Variants in PLXNA4 observed in about 807,000 individuals in gnomAD.
PLXNA4 encodes the protein plexin A4.
In PLXNA4, 44 loss-of-function variants were observed where a neutral mutation model predicts 191.8. The observed-to-expected ratio is 0.23, with a 90% CI of 0.18 to 0.29. The LOEUF (loss-of-function observed/expected upper bound fraction) is 0.29. PLXNA4 is among the 10% of genes least tolerant of loss of function. The pLI is 1.00. For missense variants in PLXNA4, 1,800 were observed against 2,488.8 expected (o/e 0.72, Z 5.89); for synonymous variants, 1,082 against 1,009.5 (o/e 1.07, Z -1.36).
At chr7:132,510,462 C>T (rs1172799678) in intron 1 of PLXNA4, among the ~76,000 whole-genome samples, 1 of 150,470 alleles carries the variant, frequency 6.6e-6, no homozygotes, top group African/African-American at 2.4e-5. Context: ...TTCATTCACC[C>T]ATGTGGCAAA....
chr7:132,565,791 A>G (rs1487685325), intron 1 of PLXNA4, among the ~76,000 whole-genome samples: 1 of 152,196 alleles, frequency 6.6e-6, no homozygotes, highest in Non-Finnish European at 1.5e-5. Context: ...CCAATGGTTT[A>G]TGAAGAAGAA....
At chr7:132,408,736 G>T (rs1036075361) in intron 3 of PLXNA4, among the ~76,000 whole-genome samples, 10 of 152,112 alleles carry the variant, frequency 6.6e-5, no homozygotes, top group Non-Finnish European at 1.5e-4. Flanking sequence ...AAAGTGCTGG[G>T]ATTACAAGCA....
intron 16 of PLXNA4, among the ~76,000 whole-genome samples, chr7:132,183,917 C>G (rs1328877455): frequency 6.6e-6 from 1 of 152,228 alleles, no homozygotes; most frequent in African/African-American, 2.4e-5. Flanking sequence ...TGGTCCCTGT[C>G]GCAGTTACTC....
intron 1 of PLXNA4, among the ~76,000 whole-genome samples, chr7:132,527,118 G>A (rs1799429845): frequency 6.6e-6 from 1 of 152,162 alleles, no homozygotes; most frequent in African/African-American, 2.4e-5. Flanking sequence ...TCCAAACTTA[G>A]GATGTAGATT....
chr7:132,462,888 C>T (rs1796568061), intron 3 of PLXNA4, among the ~76,000 whole-genome samples: 1 of 143,724 alleles, frequency 7.0e-6, no homozygotes, highest in Non-Finnish European at 1.5e-5. Context: ...TTGCTCTTTC[C>T]ACCCAGGCTG....
At chr7:132,494,336 A>G (rs530067058) in intron 2 of PLXNA4, among the ~76,000 whole-genome samples, 162 of 152,308 alleles carry the variant, frequency 1.1e-3, no homozygotes, top group African/African-American at 3.8e-3. Flanking sequence ...TCCACCCCAG[A>G]CATATTGGAT....
chr7:132,517,193 C>T (rs1047302753), intron 1 of PLXNA4, among the ~76,000 whole-genome samples: 2 of 152,170 alleles, frequency 1.3e-5, no homozygotes, highest in East Asian at 1.9e-4. Context: ...ATGCGTGAGG[C>T]TGCTGGTATG....
intron 3 of PLXNA4, among the ~76,000 whole-genome samples, chr7:132,320,023 C>T (rs1292800989): frequency 6.6e-6 from 1 of 152,216 alleles, no homozygotes; most frequent in Non-Finnish European, 1.5e-5. Context: ...TGGAGCTGCA[C>T]CTACAGACAT....
intron 3 of PLXNA4, among the ~76,000 whole-genome samples, chr7:132,456,897 T>C (rs1796335760): frequency 6.6e-6 from 1 of 152,202 alleles, no homozygotes; most frequent in Non-Finnish European, 1.5e-5. Context: ...CCAGTTTCCA[T>C]TTACACTTTA....
intron 1 of PLXNA4, among the ~76,000 whole-genome samples, chr7:132,554,085 C>T (rs887051867): frequency 4.6e-5 from 7 of 152,156 alleles, no homozygotes; most frequent in African/African-American, 1.4e-4. Flanking sequence ...CAAGGATACC[C>T]ATTTGGAGAT....
At chr7:132,192,831 C>G (rs999333167) in intron 14 of PLXNA4, among the ~76,000 whole-genome samples, 1 of 152,144 alleles carries the variant, frequency 6.6e-6, no homozygotes, top group Admixed American at 6.5e-5. Context: ...AGCCTCTGTC[C>G]CCTAGAACTA....
intron 3 of PLXNA4, among the ~76,000 whole-genome samples, chr7:132,424,739 T>G (rs1244764192): frequency 2.0e-5 from 3 of 152,248 alleles, no homozygotes; most frequent in Non-Finnish European, 4.4e-5. Context: ...CCAGATCTGA[T>G]GGTTACACAT....
intron 25 of PLXNA4, among the ~76,000 whole-genome samples, chr7:132,150,958 C>A (rs1330814542): frequency 6.6e-6 from 1 of 152,174 alleles, no homozygotes; most frequent in East Asian, 1.9e-4. Flanking sequence ...TACCTCCATG[C>A]CCCTATCCAA....
At chr7:132,588,746 AAG>A (rs370545025) in intron 2 of PLXNA4, among the ~76,000 whole-genome samples, 7 of 150,290 alleles carry the variant, frequency 4.7e-5, no homozygotes, top group Admixed American at 4.0e-4. Context: ...AAAAGAAAGA[AAG>A]AGAGAAAGAG....
chr7:132,384,839 T>C, intron 3 of PLXNA4: 2 of 1,158,102 alleles, frequency 1.7e-6, no homozygotes, highest in Non-Finnish European at 2.1e-6. Flanking sequence ...CATAAGGTTA[T>C]CCTACCATAT....
chr7:132,261,069 A>C (rs1000643508), intron 4 of PLXNA4, among the ~76,000 whole-genome samples: 3 of 152,246 alleles, frequency 2.0e-5, no homozygotes, highest in African/African-American at 7.2e-5. Context: ...GTTAGAAAAC[A>C]GGCAGTATAC....
intron 9 of PLXNA4, among the ~76,000 whole-genome samples, chr7:132,213,167 G>A (rs1400620829): frequency 6.6e-6 from 1 of 152,126 alleles, no homozygotes; most frequent in Non-Finnish European, 1.5e-5. Context: ...AATACTGCAG[G>A]GTTCCACTTG....
chr7:132,377,342 G>A (rs1225114962), intron 3 of PLXNA4, among the ~76,000 whole-genome samples: 1 of 149,328 alleles, frequency 6.7e-6, no homozygotes, highest in Non-Finnish European at 1.5e-5. Context: ...GCCTCCCCTA[G>A]AATGGCCTGT....
chr7:132,306,994 G>A lies in PLXNA4; in HGVS notation c.1372-8772C>T, dbSNP rs553154210. On this transcript the variant is annotated intron_variant, in intron 3 of 31. Transcript: ENST00000321063. ...GCAACTGGCTCGTTGTGGGTTAAACGTCTTCAGAAAGGGGACCTTCCTTGT... is the reference window on the plus strand; with the variant it reads ...GCAACTGGCTCGTTGTGGGTTAAACATCTTCAGAAAGGGGACCTTCCTTGT... Among the ~76,000 whole-genome samples the A allele has an allele frequency of 1.9e-3, 292 of 152,250 alleles. 3 individuals carry two copies. The highest frequency in any genetic ancestry group is 6.2e-3 in the African/African-American group (256 of 41,538).
Sources: allele counts gnomAD v4.1 joint callset (sites outside exome capture counted in the v4.1 genomes callset), GRCh38; gene constraint gnomAD v4.1.1; transcripts MANE v1.5; gene names NCBI Gene and HGNC (gene_info 2026-07-23, HGNC 2026-07-21).